Variants in MB21D2 observed in about 807,000 individuals in gnomAD.
MB21D2 encodes the protein nucleotidyltransferase MB21D2.
In MB21D2, 9 loss-of-function variants were observed where a neutral mutation model predicts 33.3. The observed-to-expected ratio is 0.27, with a 90% CI of 0.16 to 0.47. The LOEUF (loss-of-function observed/expected upper bound fraction) is 0.47, where lower values mean the gene tolerates loss of function less well. MB21D2 is among the 20% of genes least tolerant of loss of function. The pLI, the probability that MB21D2 is intolerant of heterozygous loss-of-function variation, is 0.99. For missense variants in MB21D2, 540 were observed against 624.6 expected (o/e 0.86, Z 1.44); for synonymous variants, 241 against 236.3 (o/e 1.02, Z -0.18).
intron 1 of MB21D2, among the ~76,000 whole-genome samples, chr3:192,913,288 T>C (rs1225487146): frequency 6.6e-6 from 1 of 151,798 alleles, no homozygotes; most frequent in Admixed American, 6.6e-5. Context: ...TCCTAGCTAC[T>C]TGGGAGGCTG....
Position 192,830,706 on chromosome 3 carries a change from A to T in MB21D2, c.212-31056T>A, listed in dbSNP as rs907514446. ...CTATTGGAAGCCTGCCTGTCTGTTC[A>T]TTTTGCCACTCAACGTGTTGTTCAT... On this transcript the variant is annotated intron_variant, in intron 1 of 1. Transcript: ENST00000392452. Among the ~76,000 whole-genome samples, 4 of 152,154 alleles carry T rather than the reference A, an allele frequency of 2.6e-5. No homozygotes were observed. In the South Asian group the frequency reaches 6.2e-4, roughly 24 times the overall value.
At chr3:192,912,325 G>T (rs1230373491) in intron 1 of MB21D2, among the ~76,000 whole-genome samples, 3 of 152,034 alleles carry the variant, frequency 2.0e-5, no homozygotes, top group Non-Finnish European at 4.4e-5. Context: ...TGTCAAATGC[G>T]TGAAAAAAAC....
In MB21D2 at chr3:192,799,444, G is replaced by A; in HGVS notation, c.418C>T (p.His140Tyr). ...RNQPVTLDMRHSALCHSWLSL... is the reference protein window; with the variant it reads ...RNQPVTLDMRYSALCHSWLSL... ...AGCCAAGAGTGGCACAAGGCTGAGT[G>A]GCGCATGTCGAGTGTCACAGGCTGA... is the stretch of plus-strand genomic sequence containing the variant. Residue 140 changes from histidine (H) to tyrosine (Y), a missense_variant, in exon 2 of 2, where the codon CAC (histidine) becomes TAC (tyrosine). Transcript: ENST00000392452. This position sits in a 1 kb window ranked among gnomAD's most constrained non-coding sequence, Gnocchi z 4.1. The A allele has an allele frequency of 6.2e-7, 1 of 1,614,238 alleles. No homozygotes were observed. The highest frequency in any genetic ancestry group is 8.5e-7 in the Non-Finnish European group (1 of 1,180,052).
At chr3:192,828,896 G>A (rs900314848) in intron 1 of MB21D2, among the ~76,000 whole-genome samples, 3 of 151,202 alleles carry the variant, frequency 2.0e-5, no homozygotes, top group South Asian at 2.1e-4. Context: ...TGATCCACCC[G>A]CCTCGGCCTT....
chr3:192,875,421 G>A (rs1713408972), intron 1 of MB21D2, among the ~76,000 whole-genome samples: 1 of 152,196 alleles, frequency 6.6e-6, no homozygotes, highest in South Asian at 2.1e-4. Context: ...ATTGCCACAT[G>A]GATGCGTAGA....
At chr3:192,917,420 G>C in intron 1 of MB21D2, among the ~76,000 whole-genome samples, 1 of 152,190 alleles carries the variant, frequency 6.6e-6, no homozygotes, top group Non-Finnish European at 1.5e-5. Context: ...AGGGAGACCC[G>C]GCGTAAAGTA....
chr3:192,884,553 G>A (rs1713684964), intron 1 of MB21D2, among the ~76,000 whole-genome samples: 1 of 151,488 alleles, frequency 6.6e-6, no homozygotes, highest in African/African-American at 2.4e-5. Flanking sequence ...TTTTTTAGTA[G>A]AGACGGGGTT....
At chr3:192,878,806 A>G (rs1713498148) in intron 1 of MB21D2, among the ~76,000 whole-genome samples, 1 of 152,174 alleles carries the variant, frequency 6.6e-6, no homozygotes, top group African/African-American at 2.4e-5. Flanking sequence ...TCTACTAAAA[A>G]TACAAAAATT....
chr3:192,829,983 C>T (rs530478795), intron 1 of MB21D2, among the ~76,000 whole-genome samples: 1 of 152,236 alleles, frequency 6.6e-6, no homozygotes, highest in South Asian at 2.1e-4. Flanking sequence ...CTGCTTTGGC[C>T]TCCCAAGTAG....
At chr3:192,909,557 A>G (rs1364826151) in intron 1 of MB21D2, among the ~76,000 whole-genome samples, 2 of 152,226 alleles carry the variant, frequency 1.3e-5, no homozygotes, top group African/African-American at 4.8e-5. Context: ...AGAGGTTAAT[A>G]CAAATAAAGA....
intron 1 of MB21D2, among the ~76,000 whole-genome samples, chr3:192,817,403 AGAGGGAAG>A (rs11270069): frequency 0.078 from 11,787 of 151,982 alleles, 1,514 homozygotes; most frequent in African/African-American, 0.27. Flanking sequence ...TAGATAGGAG[AGAGGGAAG>A]GAGGGAAGGA....
chr3:192,837,205 C>T (rs1305492452), intron 1 of MB21D2, among the ~76,000 whole-genome samples: 4 of 152,156 alleles, frequency 2.6e-5, no homozygotes, highest in African/African-American at 9.7e-5. Context: ...CGTTTCCTCC[C>T]GAGAGAGCTC....
chr3:192,823,180 C>A (rs1712096961), intron 1 of MB21D2, among the ~76,000 whole-genome samples: 1 of 152,012 alleles, frequency 6.6e-6, no homozygotes, highest in African/African-American at 2.4e-5. Flanking sequence ...TGGTGTTAAC[C>A]AAACACATTT....
At chr3:192,854,419 A>G (rs1353228890) in intron 1 of MB21D2, among the ~76,000 whole-genome samples, 5 of 152,194 alleles carry the variant, frequency 3.3e-5, no homozygotes, top group Admixed American at 3.3e-4. Flanking sequence ...GCTGCAGAAG[A>G]AAAGTTTGAA....
chr3:192,867,283 GCTCT>G (rs377498248), intron 1 of MB21D2, among the ~76,000 whole-genome samples: 1 of 151,304 alleles, frequency 6.6e-6, no homozygotes, highest in Non-Finnish European at 1.5e-5. Context: ...ATCAAAACAG[GCTCT>G]CTCTCTCTCT....
At chr3:192,856,655 G>A (rs1327017740) in intron 1 of MB21D2, among the ~76,000 whole-genome samples, 2 of 152,072 alleles carry the variant, frequency 1.3e-5, no homozygotes, top group Admixed American at 6.5e-5. Context: ...CCAGGCTCAA[G>A]CGATCCCCCT....
At chr3:192,828,152 G>C (rs1033353458) in intron 1 of MB21D2, among the ~76,000 whole-genome samples, 8 of 151,990 alleles carry the variant, frequency 5.3e-5, no homozygotes, top group Admixed American at 6.6e-5. Context: ...AAATTACCCA[G>C]TTTTGGGTAT....
In MB21D2 at chr3:192,796,904, T is replaced by G. The variant is rs927307864; in HGVS notation, c.*1482A>C. On this transcript the variant is annotated 3_prime_UTR_variant, in exon 2 of 2. Transcript: ENST00000392452. ...TCATTTTTCATTTATAAGCATTACA[T>G]TAATTTCCATGCAAAAACCCAAGAT... 1 of 152,652 alleles carries G rather than the reference T, an allele frequency of 6.6e-6. No individual in the cohort carries two copies. The highest frequency in any genetic ancestry group is 1.5e-5 in the Non-Finnish European group (1 of 68,036). 9.5% of individuals were successfully genotyped at this position (152,652 alleles called of 1,614,324 possible). A position where few individuals can be genotyped will look rare whatever the true frequency, so the allele number is the denominator to read the frequency against.
intron 1 of MB21D2, among the ~76,000 whole-genome samples, chr3:192,836,611 C>T (rs139001756): frequency 7.7e-4 from 117 of 152,256 alleles, no homozygotes; most frequent in Non-Finnish European, 1.3e-3. Context: ...CTGCAAGCCA[C>T]GGAGAGGGGC....
Sources: gnomAD v4.1 joint callset for allele counts (sites outside exome capture counted in the v4.1 genomes callset) on GRCh38, gnomAD v4.1.1 for gene constraint, Gnocchi (gnomAD v3.1) non-coding constraint, MANE v1.5 for transcripts, NCBI Gene and HGNC (gene_info 2026-07-23, HGNC 2026-07-21) for gene names.